The following PDE3B variants were observed in gnomAD, a reference collection of about 807,000 sequenced individuals.
PDE3B encodes cGMP-inhibited 3',5'-cyclic phosphodiesterase 3B.
PDE3B carries 66 observed loss-of-function variants against 116.8 expected under a neutral mutation model. The observed-to-expected ratio is 0.56, with a 90% CI of 0.46 to 0.69. The LOEUF (loss-of-function observed/expected upper bound fraction) is 0.69, where lower values mean the gene tolerates loss of function less well. Ranked by LOEUF, PDE3B falls within the 30% of genes least tolerant of loss-of-function variation. The pLI is 0.00. For synonymous variants in PDE3B, 595 were observed against 533.6 expected (o/e 1.12, Z -1.59); for missense variants, 1,384 against 1,368.1 (o/e 1.01, Z -0.18).
intron 1 of PDE3B, among the ~76,000 whole-genome samples, chr11:14,694,612 CTACAGTATAGTGTAAATATACT>C (rs995676060): frequency 2.4e-4 from 36 of 152,148 alleles, no homozygotes; most frequent in East Asian, 3.9e-4. Context: ...TAGCACTTTA[CTACAGTATAGTGTAAATATACT>C]TACAGTATAG....
intron 1 of PDE3B, among the ~76,000 whole-genome samples, chr11:14,723,908 G>T (rs1856201452): frequency 6.6e-6 from 1 of 152,206 alleles, no homozygotes; most frequent in South Asian, 2.1e-4. Context: ...ATATGCATGG[G>T]CCAGACTAGC....
At chr11:14,828,954 T>G (rs1380063573) in intron 7 of PDE3B, among the ~76,000 whole-genome samples, 1 of 152,190 alleles carries the variant, frequency 6.6e-6, no homozygotes, top group Non-Finnish European at 1.5e-5. Context: ...ATATGGTACA[T>G]ATACACCATG....
chr11:14,792,761 C>G (rs543722662), intron 4 of PDE3B, among the ~76,000 whole-genome samples: 5 of 152,172 alleles, frequency 3.3e-5, no homozygotes, highest in South Asian at 2.1e-4. Flanking sequence ...ATCTGTGCAC[C>G]CTTTTAATTT....
At chr11:14,890,114 G>T in the PDE3B span, among the ~76,000 whole-genome samples, 4 of 152,118 alleles carry the variant, frequency 2.6e-5, no homozygotes, top group Admixed American at 2.6e-4. Context: ...GGGTGACAGA[G>T]CAAGACTCGT....
chr11:14,804,537 G>A (rs1315357839), intron 5 of PDE3B, among the ~76,000 whole-genome samples: 1 of 151,952 alleles, frequency 6.6e-6, no homozygotes, highest in Non-Finnish European at 1.5e-5. Flanking sequence ...CATAGGAATA[G>A]CAAAGCAATA....
At chr11:14,857,050 T>G (rs1376361926) in intron 12 of PDE3B, among the ~76,000 whole-genome samples, 3 of 152,348 alleles carry the variant, frequency 2.0e-5, no homozygotes, top group African/African-American at 7.2e-5. Context: ...TGTTACTATT[T>G]GCTAAGATTC....
chr11:14,660,763 A>G (rs1024177077), intron 1 of PDE3B, among the ~76,000 whole-genome samples: 1 of 152,180 alleles, frequency 6.6e-6, no homozygotes, highest in Non-Finnish European at 1.5e-5. Flanking sequence ...ATTAAATGCT[A>G]GCTGATCACC....
chr11:14,794,460 C>T (rs1446464075), intron 4 of PDE3B, among the ~76,000 whole-genome samples: 1 of 152,010 alleles, frequency 6.6e-6, no homozygotes, highest in African/African-American at 2.4e-5. Context: ...ACTACAGGCA[C>T]ATGCCACCAT....
intron 8 of PDE3B, 36 bp from the exon 9 acceptor site, chr11:14,831,604 A>C (rs558756933): frequency 2.2e-6 from 3 of 1,366,742 alleles, no homozygotes; most frequent in Non-Finnish European, 3.0e-6. Context: ...TATTTATAAA[A>C]GATAAAATAA....
intron 5 of PDE3B, among the ~76,000 whole-genome samples, chr11:14,816,439 G>A (rs1053741560): frequency 6.6e-6 from 1 of 152,098 alleles, no homozygotes; most frequent in African/African-American, 2.4e-5. Flanking sequence ...TTCAAATAAG[G>A]TTATAAATCT....
At chr11:14,740,862 A>C (rs1856748191) in intron 1 of PDE3B, among the ~76,000 whole-genome samples, 1 of 152,168 alleles carries the variant, frequency 6.6e-6, no homozygotes, top group Non-Finnish European at 1.5e-5. Context: ...TTATTTACAC[A>C]GTAGTCATTC....
chr11:14,887,496 C>G, the PDE3B span: 1 of 739,974 alleles, frequency 1.4e-6, no homozygotes. Flanking sequence ...TATCCTTAAA[C>G]TGCTTTGATC....
chr11:14,788,096 C>CAT (rs1213220553), intron 3 of PDE3B, among the ~76,000 whole-genome samples: 1 of 151,786 alleles, frequency 6.6e-6, no homozygotes, highest in Non-Finnish European at 1.5e-5. Flanking sequence ...TAGAGTAAGT[C>CAT]ATATAAGAAC....
At chr11:14,891,884 G>C in the PDE3B span, 1 of 1,463,874 alleles carries the variant, frequency 6.8e-7, no homozygotes, top group Non-Finnish European at 9.2e-7. Flanking sequence ...GTCCCGACTA[G>C]TCGGCCCAGG....
At chr11:14,846,083 C>T (rs528642338) in intron 12 of PDE3B, among the ~76,000 whole-genome samples, 29 of 152,122 alleles carry the variant, frequency 1.9e-4, no homozygotes, top group Non-Finnish European at 3.8e-4. Flanking sequence ...TTAAGGGCAG[C>T]CAGAGAGAAA....
intron 1 of PDE3B, among the ~76,000 whole-genome samples, chr11:14,688,781 GT>G (rs1049049764): frequency 7.9e-5 from 12 of 151,916 alleles, no homozygotes; most frequent in African/African-American, 2.9e-4. Flanking sequence ...TGTTGTTGTT[GT>G]TTGTTTGTTT....
At chr11:14,669,205 G>C (rs549455720) in intron 1 of PDE3B, among the ~76,000 whole-genome samples, 1 of 152,270 alleles carries the variant, frequency 6.6e-6, no homozygotes, top group South Asian at 2.1e-4. Flanking sequence ...GGCTCTGGTA[G>C]TAGAGGAGCA....
At chr11:14,897,630 A>G in the PDE3B span, among the ~76,000 whole-genome samples, 1 of 152,126 alleles carries the variant, frequency 6.6e-6, no homozygotes, top group Admixed American at 6.5e-5. Context: ...ACATTTGCAG[A>G]TGGTTGGTGG....
At position 14,644,798 on chromosome 11, in the gene PDE3B, C is replaced by G. The variant is rs748625572; in HGVS notation, c.723C>G (p.Pro241=). The G allele has an allele frequency of 1.3e-5, 21 of 1,610,968 alleles. No homozygotes were observed. The highest frequency in any genetic ancestry group is 4.5e-5 in the East Asian group (2 of 44,804). Residue 241 remains proline (P), a synonymous_variant, in exon 1 of 16, where the codon CCC becomes CCG. Coordinates refer to ENST00000282096, the MANE Select transcript of PDE3B (RefSeq NM_000922.4). Reference sequence around the variant, plus strand: ...CCTTCACCAGCCTCGGGTCGCTGCCCTCCGCCCTCAGGCCGCTGCTCTCCG... The same window carrying G: ...CCTTCACCAGCCTCGGGTCGCTGCCGTCCGCCCTCAGGCCGCTGCTCTCCG... ...WVSFTSLGSL[P]SALRPLLSGL...
Sources: allele counts gnomAD v4.1 joint callset (sites outside exome capture counted in the v4.1 genomes callset), GRCh38; gene constraint gnomAD v4.1.1; transcripts MANE v1.5; gene names NCBI Gene and HGNC (gene_info 2026-07-23, HGNC 2026-07-21).